The following PTPRQ variants were observed in gnomAD, a reference collection of about 807,000 sequenced individuals.
The protein encoded by PTPRQ is phosphatidylinositol phosphatase PTPRQ.
PTPRQ carries 199 observed loss-of-function variants against 246.0 expected under a neutral mutation model. That is an observed-to-expected ratio of 0.81 (90% CI 0.72 to 0.91). The LOEUF is 0.91. Ranked by LOEUF, PTPRQ falls within the 40% of genes least tolerant of loss-of-function variation. The probability of loss-of-function intolerance (pLI) is 0.00; values close to 1 mark genes in which losing one functional copy is unlikely to be tolerated. For synonymous variants in PTPRQ, 869 were observed against 853.2 expected (o/e 1.02, Z -0.32); for missense variants, 2,624 against 2,528.4 (o/e 1.04, Z -0.81).
intron 25 of PTPRQ, among the ~76,000 whole-genome samples, chr12:80,563,812 G>C (rs969676132): frequency 6.6e-6 from 1 of 152,012 alleles, no homozygotes; most frequent in Non-Finnish European, 1.5e-5. Flanking sequence ...TACTGGAGAG[G>C]GTGAAAATCT....
rs1207508248 is a variant in PTPRQ at position 80,541,643 on chromosome 12, C to T, written c.3243C>T (p.Asn1081=). 3.3e-5 allele frequency: 51 copies of T among 1,548,652 alleles called. No individual in the cohort carries two copies. The highest frequency in any genetic ancestry group is 1.7e-4 in the East Asian group (7 of 40,878). The change falls in exon 21 of 45, where the codon AAC becomes AAT. Residue 1081 remains asparagine, a synonymous_variant. Coordinates refer to ENST00000644991, the MANE Select transcript of PTPRQ (RefSeq NM_001145026.2). ...GCTGGGTCCCACCGGCTCAACCAAACGGTCTAGTCTTCTACTATGTTTCAC... is the reference window on the plus strand; with the variant it reads ...GCTGGGTCCCACCGGCTCAACCAAATGGTCTAGTCTTCTACTATGTTTCAC... ...NVSWVPPAQP[N]GLVFYYVSLI...
chr12:80,485,328 C>T (rs936636601), intron 9 of PTPRQ, among the ~76,000 whole-genome samples: 1 of 152,154 alleles, frequency 6.6e-6, no homozygotes, highest in Admixed American at 6.6e-5. Context: ...TGTCCAGATA[C>T]TGGCTGCTCC....
At chr12:80,615,415 A>G (rs1295143946) in intron 29 of PTPRQ, among the ~76,000 whole-genome samples, 1 of 151,122 alleles carries the variant, frequency 6.6e-6, no homozygotes, top group Admixed American at 6.6e-5. Context: ...AATTGGGTTT[A>G]TCGAGTACAA....
chr12:80,471,223 A>G (rs1452496042), intron 7 of PTPRQ, among the ~76,000 whole-genome samples: 1 of 152,022 alleles, frequency 6.6e-6, no homozygotes, highest in Non-Finnish European at 1.5e-5. Flanking sequence ...TACCACACCT[A>G]AAGGCCTGGT....
intron 8 of PTPRQ, among the ~76,000 whole-genome samples, chr12:80,478,410 TA>T (rs577699638): frequency 0.024 from 3,670 of 151,558 alleles, 29 homozygotes; most frequent in Middle Eastern, 0.065. Flanking sequence ...CAAAAGTAGA[TA>T]AAACCACAAA....
chr12:80,500,195 T>C (rs761075147), intron 14 of PTPRQ, among the ~76,000 whole-genome samples: 1 of 152,062 alleles, frequency 6.6e-6, no homozygotes. Context: ...TCATGGACTA[T>C]GTATTTTTTC....
chr12:80,474,667 A>G (rs1893756232), intron 8 of PTPRQ, among the ~76,000 whole-genome samples: 1 of 152,252 alleles, frequency 6.6e-6, no homozygotes, highest in African/African-American at 2.4e-5. Flanking sequence ...ATAAAATGTC[A>G]TAGAGTTGCC....
At chr12:80,654,733 G>A (rs1272506737) in intron 38 of PTPRQ, among the ~76,000 whole-genome samples, 1 of 151,426 alleles carries the variant, frequency 6.6e-6, no homozygotes, top group Non-Finnish European at 1.5e-5. Context: ...GATGGCAGGT[G>A]CCTGTAATCC....
At chr12:80,523,175 T>A (rs1895561470) in intron 17 of PTPRQ, among the ~76,000 whole-genome samples, 1 of 152,226 alleles carries the variant, frequency 6.6e-6, no homozygotes. Flanking sequence ...TGTTCTCTCA[T>A]GGTAGTTTGT....
intron 33 of PTPRQ, among the ~76,000 whole-genome samples, chr12:80,622,648 A>G (rs180897820): frequency 1.3e-5 from 2 of 152,236 alleles, no homozygotes; most frequent in East Asian, 3.9e-4. Context: ...TTAAGTGGCT[A>G]GGCCAGGATT....
intron 37 of PTPRQ, among the ~76,000 whole-genome samples, chr12:80,649,886 T>C (rs1298212757): frequency 1.3e-5 from 2 of 152,158 alleles, no homozygotes; most frequent in African/African-American, 2.4e-5. Context: ...GAAAAGGTGG[T>C]CTTCTTCAGA....
chr12:80,494,857 T>C lies in PTPRQ; in HGVS notation c.1541-76T>C, dbSNP rs1281625517. 3.5e-6 allele frequency: 5 copies of C among 1,434,560 alleles called. No individual in the cohort carries two copies. The Admixed American group carries it at 1.1e-4, about 33-fold the overall frequency. The allele number at this position is 1,434,560 out of a possible 1,614,324, so 88.9% of individuals were successfully genotyped here. On this transcript the variant is annotated intron_variant, in intron 10 of 44. Transcript: ENST00000644991. The stretch of plus-strand genomic sequence containing the variant: ...CGGAGAAATCAGGTTTAAGATTTTA[T>C]AGTCTAAGAAAAAAATAATTTTGAT...
Position 80,669,424 on chromosome 12 carries a change from T to C in PTPRQ, c.6413T>C (p.Val2138Ala), listed in dbSNP as rs937267459. The change falls in exon 41 of 45, where the codon GTT (valine) becomes GCT (alanine). Residue 2138 changes from valine (V) to alanine (A), a missense_variant. Val to Ala is a moderately conservative substitution (Grantham distance 64). Transcript: ENST00000644991. ...DIVITKLMEDVQIDWTIRDLK... is the reference protein window; with the variant it reads ...DIVITKLMEDAQIDWTIRDLK... Reference sequence around the variant, plus strand: ...GTGATTACAAAGCTAATGGAGGATGTTCAAATAGATTGGACTATCAGGGAT... The same window carrying C: ...GTGATTACAAAGCTAATGGAGGATGCTCAAATAGATTGGACTATCAGGGAT... 3 of 1,549,468 alleles carry C rather than the reference T, an allele frequency of 1.9e-6. No individual in the cohort carries two copies. The highest frequency in any genetic ancestry group is 2.6e-6 in the Non-Finnish European group (3 of 1,145,886).
intron 27 of PTPRQ, among the ~76,000 whole-genome samples, chr12:80,608,463 A>G (rs1898414326): frequency 6.7e-6 from 1 of 150,090 alleles, no homozygotes; most frequent in Non-Finnish European, 1.5e-5. Context: ...AATACTTTTA[A>G]AGATATAATA....
chr12:80,644,274 T>C (rs948331057), intron 35 of PTPRQ, among the ~76,000 whole-genome samples: 6 of 152,288 alleles, frequency 3.9e-5, no homozygotes, highest in South Asian at 2.1e-4. Flanking sequence ...CCAAAAGATA[T>C]AGAATTTAAG....
intron 32 of PTPRQ, among the ~76,000 whole-genome samples, chr12:80,621,550 G>A (rs1330869351): frequency 2.0e-5 from 3 of 151,722 alleles, no homozygotes; most frequent in Non-Finnish European, 4.4e-5. Context: ...CAAATGCTAT[G>A]GAAGCAAAAA....
intron 30 of PTPRQ, among the ~76,000 whole-genome samples, chr12:80,617,508 T>C (rs1265359948): frequency 6.6e-6 from 1 of 151,414 alleles, no homozygotes; most frequent in Non-Finnish European, 1.5e-5. Flanking sequence ...TCATACCTTT[T>C]AAATTTATCT....
rs1176464726 is a variant in PTPRQ, at chr12:80,620,279, G to A, written c.5515G>A (p.Glu1839Lys). Reference sequence around the variant, plus strand: ...AGGAAAGACAAAGTTTAGTGGCAATGAAGAAATCTACATCATAGGTGCTGA... The same window carrying A: ...AGGAAAGACAAAGTTTAGTGGCAATAAAGAAATCTACATCATAGGTGCTGA... ...TEGKTKFSGN[E>K]EIYIIGADNA... Residue 1839 changes from glutamate to lysine, a missense_variant, in exon 32 of 45, where the codon GAA becomes AAA. By Grantham distance (56) the Glu-to-Lys change is moderately conservative. Transcript: ENST00000644991. 1 of 1,549,400 alleles carries A rather than the reference G, an allele frequency of 6.5e-7. No homozygotes were observed. The highest frequency in any genetic ancestry group is 8.7e-7 in the Non-Finnish European group (1 of 1,145,560).
At chr12:80,617,391 GTGTT>G (rs1303735667) in intron 30 of PTPRQ, among the ~76,000 whole-genome samples, 2 of 151,336 alleles carry the variant, frequency 1.3e-5, no homozygotes, top group Non-Finnish European at 3.0e-5. Flanking sequence ...CTCTTTATAA[GTGTT>G]TGATTTAAAT....
Sources: allele counts gnomAD v4.1 joint callset (sites outside exome capture counted in the v4.1 genomes callset), GRCh38; gene constraint gnomAD v4.1.1; transcripts MANE v1.5; gene names NCBI Gene and HGNC (gene_info 2026-07-23, HGNC 2026-07-21).